Variants in AEBP2 observed in about 807,000 individuals in gnomAD.
The protein encoded by AEBP2 is zinc finger protein AEBP2.
In AEBP2, 10 loss-of-function variants were observed where a neutral mutation model predicts 50.8. That is an observed-to-expected ratio of 0.20 (90% CI 0.12 to 0.33). The LOEUF is 0.33. AEBP2 is among the 10% of genes least tolerant of loss of function. The probability of loss-of-function intolerance (pLI) is 1.00; values close to 1 mark genes in which losing one functional copy is unlikely to be tolerated. For synonymous variants in AEBP2, 296 were observed against 261.3 expected (o/e 1.13, Z -1.28); for missense variants, 570 against 688.0 (o/e 0.83, Z 1.92).
intron 3 of AEBP2, among the ~76,000 whole-genome samples, chr12:19,484,827 T>A (rs1327158727): frequency 1.3e-5 from 2 of 152,158 alleles, no homozygotes; most frequent in East Asian, 3.9e-4. Flanking sequence ...AATAAATGAA[T>A]GAATAAGTAA....
chr12:19,470,016 ATAT>A (rs1565718690), intron 2 of AEBP2, among the ~76,000 whole-genome samples: 2 of 152,144 alleles, frequency 1.3e-5, no homozygotes, highest in South Asian at 2.1e-4. Context: ...TGTTTTTCAG[ATAT>A]TATACGTCTA....
intron 1 of AEBP2, among the ~76,000 whole-genome samples, chr12:19,426,080 C>T (rs1007285793): frequency 5.9e-5 from 9 of 152,062 alleles, no homozygotes; most frequent in Non-Finnish European, 1.0e-4. Flanking sequence ...GGACTACAGG[C>T]GTGCACCACC....
intron 1 of AEBP2, among the ~76,000 whole-genome samples, chr12:19,422,572 C>T (rs992126452): frequency 1.3e-5 from 2 of 151,772 alleles, no homozygotes; most frequent in Non-Finnish European, 2.9e-5. Context: ...TATTGGCTCA[C>T]TGCAACGTCC....
chr12:19,453,662 G>A (rs929061701), intron 1 of AEBP2, among the ~76,000 whole-genome samples: 2 of 151,748 alleles, frequency 1.3e-5, no homozygotes, highest in Non-Finnish European at 2.9e-5. Context: ...AACCTCAGGT[G>A]ATCCACCCGC....
Position 19,493,964 on chromosome 12 carries a change from G to A in AEBP2, c.1152G>A (p.Lys384=). The stretch of plus-strand genomic sequence containing the variant: ...GAATGAACAAAAGGAGGAAATTAAA[G>A]AACAAAAGACGACGCTCATTACGTA... ...KAGMNKRRKL[K]NKRRRSLPRP... The change falls in exon 4 of 8, where the codon AAG becomes AAA. Residue 384 remains lysine, a synonymous_variant. Transcript: ENST00000266508. The A allele has an allele frequency of 6.2e-7, 1 of 1,610,308 alleles. No homozygotes were observed. Among genetic ancestry groups the A allele is most frequent in the African/African-American group, 1.3e-5 (1 of 74,906 alleles).
chr12:19,450,973 A>G (rs1337504711), intron 1 of AEBP2, among the ~76,000 whole-genome samples: 3 of 115,240 alleles, frequency 2.6e-5, no homozygotes, highest in African/African-American at 7.2e-5. Flanking sequence ...CTTTGAATAT[A>G]TAGTAGTATG....
chr12:19,472,861 A>G (rs1342320746), intron 2 of AEBP2, among the ~76,000 whole-genome samples: 3 of 152,128 alleles, frequency 2.0e-5, no homozygotes, highest in African/African-American at 7.2e-5. Flanking sequence ...TTTACAAAAT[A>G]TACCTTTCAT....
At chr12:19,456,531 G>A in intron 1 of AEBP2, 5 of 1,525,864 alleles carry the variant, frequency 3.3e-6, no homozygotes, top group African/African-American at 2.8e-5. Flanking sequence ...CTTGCATGCA[G>A]TGTGAGCCGT....
intron 1 of AEBP2, among the ~76,000 whole-genome samples, chr12:19,434,207 C>G (rs1449481702): frequency 6.9e-6 from 1 of 145,754 alleles, no homozygotes; most frequent in African/African-American, 2.5e-5. Context: ...GAGTTTTGCT[C>G]TTGTTGCCCA....
intron 1 of AEBP2, among the ~76,000 whole-genome samples, chr12:19,411,880 G>A (rs562703021): frequency 3.3e-5 from 5 of 152,228 alleles, no homozygotes; most frequent in Non-Finnish European, 7.3e-5. Flanking sequence ...TTGGAGAACA[G>A]ACTCAGACCA....
intron 1 of AEBP2, among the ~76,000 whole-genome samples, chr12:19,460,495 A>G (rs1229465716): frequency 6.6e-6 from 1 of 152,058 alleles, no homozygotes; most frequent in Non-Finnish European, 1.5e-5. Context: ...CTGGGATTAC[A>G]GGCGTGTGCC....
intron 1 of AEBP2, among the ~76,000 whole-genome samples, chr12:19,441,735 AG>A (rs1327259074): frequency 1.3e-5 from 2 of 152,354 alleles, no homozygotes; most frequent in East Asian, 1.9e-4. Flanking sequence ...AGGCATGGGT[AG>A]GAAGGAGAAT....
chr12:19,488,417 C>T (rs1037588041), intron 3 of AEBP2, among the ~76,000 whole-genome samples: 31 of 151,304 alleles, frequency 2.0e-4, no homozygotes, highest in African/African-American at 6.8e-4. Flanking sequence ...CGTGAGTCAT[C>T]GCTCCTATCC....
At chr12:19,500,825 G>A (rs1299318248) in intron 5 of AEBP2, among the ~76,000 whole-genome samples, 4 of 152,156 alleles carry the variant, frequency 2.6e-5, no homozygotes, top group Non-Finnish European at 5.9e-5. Context: ...AAGAAGAAAA[G>A]TACCAAATTT....
chr12:19,414,996 A>G (rs1404589921), intron 1 of AEBP2, among the ~76,000 whole-genome samples: 1 of 151,136 alleles, frequency 6.6e-6, no homozygotes, highest in Non-Finnish European at 1.5e-5. Flanking sequence ...TGCATGTTTC[A>G]TTATACTTGT....
chr12:19,407,335 G>A (rs1185642499), intron 1 of AEBP2, among the ~76,000 whole-genome samples: 6 of 151,674 alleles, frequency 4.0e-5, no homozygotes, highest in African/African-American at 4.8e-5. Flanking sequence ...CTTTTGAGAT[G>A]GAGTCTGGGT....
chr12:19,498,173 C>G (rs1322624486), intron 4 of AEBP2, among the ~76,000 whole-genome samples: 1 of 152,120 alleles, frequency 6.6e-6, no homozygotes, highest in Non-Finnish European at 1.5e-5. Flanking sequence ...TTATTATTTT[C>G]CCCAAGTGTT....
At chr12:19,420,492 C>G (rs928871612) in intron 1 of AEBP2, among the ~76,000 whole-genome samples, 9 of 151,510 alleles carry the variant, frequency 5.9e-5, no homozygotes, top group African/African-American at 2.2e-4. Context: ...CACCACCATG[C>G]CTTGCTAATT....
rs536256058 is a variant in AEBP2, at chr12:19,508,438, T to A, written c.1300-3960T>A. Among the ~76,000 whole-genome samples, 5 of 152,284 alleles carry A rather than the reference T, an allele frequency of 3.3e-5. No homozygotes were observed. The East Asian group carries it at 7.7e-4, about 23-fold the overall frequency. The stretch of plus-strand genomic sequence containing the variant: ...CTGCTTTTACTCAGTCCTAATATGT[T>A]TTCAGGATTACAAGATTATTTTGTT... On this transcript the variant is annotated intron_variant, in intron 5 of 7. Transcript: ENST00000266508.
Sources: gnomAD v4.1 joint callset for allele counts (sites outside exome capture counted in the v4.1 genomes callset) on GRCh38, gnomAD v4.1.1 for gene constraint, MANE v1.5 for transcripts, NCBI Gene and HGNC (gene_info 2026-07-23, HGNC 2026-07-21) for gene names.